The following KCNIP4 variants were observed in gnomAD, a reference collection of about 807,000 sequenced individuals.
The protein encoded by KCNIP4 is Kv channel-interacting protein 4.
Under a neutral mutation model 34.0 loss-of-function variants are expected in KCNIP4, and 12 were observed. That is an observed-to-expected ratio of 0.35 (90% CI 0.23 to 0.57). KCNIP4 has a LOEUF of 0.57. KCNIP4 is among the 20% of genes least tolerant of loss of function. KCNIP4 has a pLI of 0.83. For missense variants in KCNIP4, 238 were observed against 311.7 expected (o/e 0.76, Z 1.78); for synonymous variants, 124 against 102.2 (o/e 1.21, Z -1.29).
intron 1 of KCNIP4, among the ~76,000 whole-genome samples, chr4:21,061,837 G>T (rs1743951028): frequency 6.6e-6 from 1 of 152,058 alleles, no homozygotes; most frequent in Non-Finnish European, 1.5e-5. Flanking sequence ...AGAGTCTTTA[G>T]GGTAAGCCCT....
At chr4:21,685,864 T>C (rs1503988) in intron 1 of KCNIP4, among the ~76,000 whole-genome samples, 38,554 of 152,126 alleles carry the variant, frequency 0.25, 5,998 homozygotes, top group African/African-American at 0.44. Context: ...GAAGATAGGC[T>C]AGGAGGGCAT....
At chr4:21,591,457 C>T (rs1163261339) in intron 1 of KCNIP4, among the ~76,000 whole-genome samples, 3 of 151,922 alleles carry the variant, frequency 2.0e-5, no homozygotes, top group South Asian at 2.1e-4. Context: ...TTTGTAACTA[C>T]GTAAATTAAA....
In KCNIP4 at chr4:21,664,348, C is replaced by T. The variant is rs200036312; in HGVS notation, c.61+284223G>A. ...CTGCAAATGCTCTGCAGTAGATAGA[C>T]CTGTCAAACAAAAAACAGAGGCAAC... On this transcript the variant is annotated intron_variant, in intron 1 of 8. Coordinates refer to ENST00000382152, the MANE Select transcript of KCNIP4 (RefSeq NM_025221.6). Among the ~76,000 whole-genome samples, 4 of 151,864 alleles carry T rather than the reference C, an allele frequency of 2.6e-5. No individual in the cohort carries two copies. In the East Asian group the frequency reaches 5.8e-4, roughly 22 times the overall value.
intron 1 of KCNIP4, among the ~76,000 whole-genome samples, chr4:21,563,789 G>C (rs1354007765): frequency 1.3e-5 from 2 of 151,986 alleles, no homozygotes; most frequent in African/African-American, 2.4e-5. Context: ...ACTGGGTCTT[G>C]GGAAACACTA....
At chr4:20,809,817 T>A (rs537525307) in intron 3 of KCNIP4, among the ~76,000 whole-genome samples, 1 of 152,318 alleles carries the variant, frequency 6.6e-6, no homozygotes, top group Admixed American at 6.5e-5. Context: ...CTGCAGCTCA[T>A]CTCAGGAGTC....
At chr4:21,785,339 C>T (rs755296183) in intron 1 of KCNIP4, among the ~76,000 whole-genome samples, 1 of 151,770 alleles carries the variant, frequency 6.6e-6, no homozygotes, top group Non-Finnish European at 1.5e-5. Context: ...ACCTGTAATC[C>T]CAGCACTTTG....
chr4:21,139,722 G>A (rs571733393), intron 1 of KCNIP4, among the ~76,000 whole-genome samples: 3 of 124,558 alleles, frequency 2.4e-5, no homozygotes, highest in South Asian at 5.2e-4. Context: ...TCTTCTGCTC[G>A]GGCTTACTGT....
intron 1 of KCNIP4, among the ~76,000 whole-genome samples, chr4:21,360,954 C>A (rs947148319): frequency 1.3e-5 from 2 of 152,108 alleles, no homozygotes; most frequent in African/African-American, 4.8e-5. Flanking sequence ...TCAGCATCCG[C>A]TGCTACACCC....
At chr4:20,878,532 A>G (rs1158605163) in intron 2 of KCNIP4, among the ~76,000 whole-genome samples, 3 of 152,096 alleles carry the variant, frequency 2.0e-5, no homozygotes, top group Non-Finnish European at 2.9e-5. Flanking sequence ...TTCCCAGATT[A>G]CCTTTGTTTT....
At chr4:21,185,841 GA>G (rs1755183659) in intron 1 of KCNIP4, among the ~76,000 whole-genome samples, 3 of 152,182 alleles carry the variant, frequency 2.0e-5, no homozygotes, top group African/African-American at 7.2e-5. Context: ...ATGCAGCTAT[GA>G]GAAGAAGCAT....
chr4:21,717,487 A>T (rs1714475857), intron 1 of KCNIP4, among the ~76,000 whole-genome samples: 1 of 152,198 alleles, frequency 6.6e-6, no homozygotes, highest in Admixed American at 6.5e-5. Flanking sequence ...ACCCTCAAAA[A>T]AAGCTGAGCC....
chr4:21,906,175 GATA>G (rs1219700555), intron 1 of KCNIP4, among the ~76,000 whole-genome samples: 1 of 152,196 alleles, frequency 6.6e-6, no homozygotes, highest in Non-Finnish European at 1.5e-5. Context: ...GTGGTAATGT[GATA>G]ATGACTCCCA....
At chr4:21,740,244 T>G (rs1373060954) in intron 1 of KCNIP4, among the ~76,000 whole-genome samples, 1 of 152,034 alleles carries the variant, frequency 6.6e-6, no homozygotes, top group Non-Finnish European at 1.5e-5. Context: ...ACTTAAATAT[T>G]TATATATGCA....
chr4:20,949,497 C>A (rs1037758489), intron 1 of KCNIP4, among the ~76,000 whole-genome samples: 8 of 152,060 alleles, frequency 5.3e-5, no homozygotes, highest in Non-Finnish European at 8.8e-5. Context: ...ACCCAGCCAT[C>A]CCATTACTGG....
At chr4:21,931,190 C>G (rs1192441272) in intron 1 of KCNIP4, among the ~76,000 whole-genome samples, 1 of 151,532 alleles carries the variant, frequency 6.6e-6, no homozygotes, top group Non-Finnish European at 1.5e-5. Context: ...GCACCAGTGA[C>G]AGAAATATGC....
At chr4:21,113,455 TAAAAAAAAA>T (rs56676152) in intron 1 of KCNIP4, among the ~76,000 whole-genome samples, 5 of 62,382 alleles carry the variant, frequency 8.0e-5, no homozygotes, top group Admixed American at 2.0e-4. Context: ...TCTATAAGTT[TAAAAAAAAA>T]AAAAAAAAAA....
intron 1 of KCNIP4, among the ~76,000 whole-genome samples, chr4:21,300,618 T>C (rs1711565708): frequency 6.6e-6 from 1 of 152,132 alleles, no homozygotes; most frequent in Non-Finnish European, 1.5e-5. Flanking sequence ...TGAGGATGCC[T>C]GAAACAGCAG....
intron 3 of KCNIP4, among the ~76,000 whole-genome samples, chr4:20,833,736 C>A (rs540045029): frequency 4.0e-4 from 61 of 152,264 alleles, no homozygotes; most frequent in African/African-American, 1.4e-3. Context: ...ATCCCACACA[C>A]AGTGCAGTTA....
intron 1 of KCNIP4, among the ~76,000 whole-genome samples, chr4:20,900,967 G>A (rs993275602): frequency 2.6e-5 from 4 of 152,140 alleles, no homozygotes; most frequent in Admixed American, 1.3e-4. Context: ...CAAACACATT[G>A]AATTCAATAC....
Sources: gnomAD v4.1 joint callset for allele counts (sites outside exome capture counted in the v4.1 genomes callset) on GRCh38, gnomAD v4.1.1 for gene constraint, MANE v1.5 for transcripts, NCBI Gene and HGNC (gene_info 2026-07-23, HGNC 2026-07-21) for gene names.